The following HS2ST1 variants were observed in gnomAD, a reference collection of about 807,000 sequenced individuals.
HS2ST1 encodes the protein heparan sulfate 2-O-sulfotransferase 1.
HS2ST1 carries 18 observed loss-of-function variants against 42.9 expected under a neutral mutation model. The observed-to-expected ratio is 0.42, with a 90% confidence interval of 0.29 to 0.62. The LOEUF is 0.62. HS2ST1 is among the 20% of genes least tolerant of loss of function. The pLI is 0.21. For synonymous variants in HS2ST1, 146 were observed against 152.9 expected (o/e 0.95, Z 0.33); for missense variants, 334 against 433.8 (o/e 0.77, Z 2.04).
chr1:87,073,437 G>C (rs954523112), intron 2 of HS2ST1, among the ~76,000 whole-genome samples: 1 of 152,198 alleles, frequency 6.6e-6, no homozygotes, highest in South Asian at 2.1e-4. Flanking sequence ...TGATGTTCCT[G>C]AGCATAGTAT....
At chr1:86,923,978 C>T (rs934910632) in intron 1 of HS2ST1, among the ~76,000 whole-genome samples, 27 of 152,180 alleles carry the variant, frequency 1.8e-4, no homozygotes, top group Non-Finnish European at 3.4e-4. Context: ...AGTCCACAGT[C>T]CAAAGTCTCA....
At chr1:86,972,545 T>C (rs1648263121) in intron 1 of HS2ST1, among the ~76,000 whole-genome samples, 1 of 152,198 alleles carries the variant, frequency 6.6e-6, no homozygotes, top group Non-Finnish European at 1.5e-5. Context: ...AATCTCTTAT[T>C]GTGCCTAATT....
intron 5 of HS2ST1, among the ~76,000 whole-genome samples, chr1:87,102,050 T>G (rs1652225254): frequency 1.3e-5 from 2 of 150,790 alleles, no homozygotes; most frequent in South Asian, 4.3e-4. Context: ...CCCAGTCGTT[T>G]ATTATTATTA....
chr1:87,105,407 C>G lies in HS2ST1; in HGVS notation c.*711C>G, dbSNP rs993335248. On this transcript the variant is annotated 3_prime_UTR_variant, in exon 7 of 7. Coordinates refer to ENST00000370550, the MANE Select transcript of HS2ST1 (RefSeq NM_012262.4). ...ATACTTCAAAGAATATTGAGATTGTCTGAAGTTTTAGTTAAGATTTTCACA... is the reference window on the plus strand; with the variant it reads ...ATACTTCAAAGAATATTGAGATTGTGTGAAGTTTTAGTTAAGATTTTCACA... 1 of 152,446 alleles carries G rather than the reference C, an allele frequency of 6.6e-6. No individual in the cohort carries two copies. Among genetic ancestry groups the G allele is most frequent in the African/African-American group, 2.4e-5 (1 of 41,422 alleles). The allele number at this position is 152,446 out of a possible 1,614,324, so 9.4% of individuals were successfully genotyped here.
intron 1 of HS2ST1, among the ~76,000 whole-genome samples, chr1:87,007,408 C>T (rs2100574790): frequency 6.6e-6 from 1 of 152,028 alleles, no homozygotes; most frequent in South Asian, 2.1e-4. Context: ...GCCACCATTT[C>T]TACAATGGTG....
At chr1:87,022,359 G>C (rs892948624) in intron 1 of HS2ST1, among the ~76,000 whole-genome samples, 2 of 152,078 alleles carry the variant, frequency 1.3e-5, no homozygotes, top group African/African-American at 4.8e-5. Context: ...AATACAGTCA[G>C]TTCTGCCATA....
intron 1 of HS2ST1, among the ~76,000 whole-genome samples, chr1:87,004,679 G>T (rs1002534402): frequency 6.6e-6 from 1 of 152,086 alleles, no homozygotes; most frequent in Non-Finnish European, 1.5e-5. Context: ...TTTGATACGA[G>T]AATATAAAAG....
rs56655220 is a variant in HS2ST1 at position 87,085,929 on chromosome 1, C to T, written c.449+1650C>T. Among the ~76,000 whole-genome samples, 535 of 152,086 alleles carry T rather than the reference C, an allele frequency of 3.5e-3. 2 individuals carry two copies. The highest frequency in any genetic ancestry group is 0.012 in the African/African-American group (517 of 41,486). ...TTAAATGCTGACATGAATTTTTAAG[C>T]GTTTGAATATTTTCATAGTGAGTCT... On this transcript the variant is annotated intron_variant, in intron 3 of 6. Coordinates refer to ENST00000370550, the MANE Select transcript of HS2ST1 (RefSeq NM_012262.4).
At chr1:87,018,519 A>G (rs966249510) in intron 1 of HS2ST1, among the ~76,000 whole-genome samples, 2 of 152,108 alleles carry the variant, frequency 1.3e-5, no homozygotes, top group African/African-American at 4.8e-5. Context: ...CATGGAAACC[A>G]GCAGCACCTA....
At chr1:86,973,983 GAC>G (rs1648314679) in intron 1 of HS2ST1, among the ~76,000 whole-genome samples, 1 of 152,148 alleles carries the variant, frequency 6.6e-6, no homozygotes, top group African/African-American at 2.4e-5. Context: ...CCCAGTTCCT[GAC>G]ACAGAGAACA....
At chr1:86,916,651 T>C (rs1222763108) in intron 1 of HS2ST1, among the ~76,000 whole-genome samples, 3 of 152,158 alleles carry the variant, frequency 2.0e-5, no homozygotes, top group African/African-American at 7.2e-5. Context: ...TGGAAAAAAA[T>C]GTCCACTTTA....
At chr1:86,918,066 AG>A (rs1010022544) in intron 1 of HS2ST1, among the ~76,000 whole-genome samples, 62 of 152,316 alleles carry the variant, frequency 4.1e-4, no homozygotes, top group African/African-American at 1.4e-3. Flanking sequence ...AAGATTCCAA[AG>A]GATAGTATTG....
chr1:87,063,004 T>G (rs1368038984), intron 1 of HS2ST1, among the ~76,000 whole-genome samples: 1 of 152,160 alleles, frequency 6.6e-6, no homozygotes, highest in African/African-American at 2.4e-5. Flanking sequence ...TTTACCTTAT[T>G]TGGAGTTTGT....
intron 1 of HS2ST1, among the ~76,000 whole-genome samples, chr1:86,937,842 C>T (rs1236970604): frequency 6.6e-6 from 1 of 151,576 alleles, no homozygotes; most frequent in Non-Finnish European, 1.5e-5. Flanking sequence ...TTCGTTGGTA[C>T]CTTCTCTTCC....
At chr1:87,016,952 T>A (rs1460718785) in intron 1 of HS2ST1, among the ~76,000 whole-genome samples, 1 of 152,144 alleles carries the variant, frequency 6.6e-6, no homozygotes, top group Non-Finnish European at 1.5e-5. Context: ...TGATATGTTA[T>A]CTTTAGGGTG....
In HS2ST1 at chr1:87,092,470, A is replaced by G. The variant is rs1050894203; in HGVS notation, c.450-61A>G. 34 of 1,142,040 alleles carry G rather than the reference A, an allele frequency of 3.0e-5. No individual in the cohort carries two copies. The African/African-American group carries it at 5.1e-4, about 17-fold the overall frequency. The allele number at this position is 1,142,040 out of a possible 1,614,324, so 70.7% of individuals were successfully genotyped here. ...ACTTCAGACTTAAACATGTAATTTC[A>G]GGGCACTCCTAAACAGATTGAAAAT... On this transcript the variant is annotated intron_variant, in intron 3 of 6. Coordinates refer to ENST00000370550, the MANE Select transcript of HS2ST1 (RefSeq NM_012262.4).
chr1:87,076,524 G>C (rs953854867), intron 2 of HS2ST1, among the ~76,000 whole-genome samples: 2 of 152,036 alleles, frequency 1.3e-5, no homozygotes, highest in African/African-American at 4.8e-5. Context: ...AAATAAAAAA[G>C]TTGAAAAGTT....
chr1:87,025,748 C>G (rs1393749087), intron 1 of HS2ST1, among the ~76,000 whole-genome samples: 1 of 152,168 alleles, frequency 6.6e-6, no homozygotes, highest in East Asian at 1.9e-4. Flanking sequence ...ACCCCCAACT[C>G]TTGCTGAAAA....
At chr1:86,951,664 G>A (rs2102186856) in intron 1 of HS2ST1, among the ~76,000 whole-genome samples, 1 of 152,338 alleles carries the variant, frequency 6.6e-6, no homozygotes, top group East Asian at 1.9e-4. Context: ...GGGGGTGACT[G>A]TGGCAATTTC....
Sources: allele counts gnomAD v4.1 joint callset (sites outside exome capture counted in the v4.1 genomes callset), GRCh38; gene constraint gnomAD v4.1.1; transcripts MANE v1.5; gene names NCBI Gene and HGNC (gene_info 2026-07-23, HGNC 2026-07-21).